Variants in CACNA2D3 observed in about 807,000 individuals in gnomAD.
The protein encoded by CACNA2D3 is voltage-dependent calcium channel subunit alpha-2/delta-3.
A neutral mutation model predicts 160.6 loss-of-function variants in CACNA2D3; 60 were observed. The ratio of observed to expected loss-of-function variants is 0.37; its 90% confidence interval spans 0.30 to 0.46. The LOEUF is 0.46. CACNA2D3 is among the 20% of genes least tolerant of loss of function. The pLI is 1.00. For missense variants in CACNA2D3, 1,205 were observed against 1,365.0 expected, an observed-to-expected ratio of 0.88 and a Z score of 1.85; for synonymous variants, 558 against 492.9, an observed-to-expected ratio of 1.13 and a Z score of -1.75.
intron 5 of CACNA2D3, among the ~76,000 whole-genome samples, chr3:54,520,797 C>T (rs895275844): frequency 1.3e-5 from 2 of 152,124 alleles, no homozygotes; most frequent in Admixed American, 6.5e-5. Context: ...CCCTAAGCAA[C>T]GAATGATCTT....
chr3:55,045,259 AG>A (rs1704050052), intron 35 of CACNA2D3, among the ~76,000 whole-genome samples: 1 of 152,170 alleles, frequency 6.6e-6, no homozygotes. Flanking sequence ...CATGCTGGCT[AG>A]GCTGGTCTTG....
At position 54,793,953 on chromosome 3, in the gene CACNA2D3, A is replaced by T. The variant is rs1166318488; in HGVS notation, c.1381-22900A>T. ...TTATTTCTTAATATCAATTTTTCTC[A>T]TTTGTGTTACAAGGAGTTTGTTCAT... On this transcript the variant is annotated intron_variant, in intron 13 of 37. Coordinates refer to ENST00000474759, the MANE Select transcript of CACNA2D3 (RefSeq NM_018398.3). Among the ~76,000 whole-genome samples, 4 of 152,070 alleles carry T rather than the reference A, an allele frequency of 2.6e-5. No homozygotes were observed. The East Asian group carries it at 7.7e-4, about 29-fold the overall frequency.
chr3:55,043,663 A>G (rs986453057), intron 35 of CACNA2D3, among the ~76,000 whole-genome samples: 1 of 152,116 alleles, frequency 6.6e-6, no homozygotes, highest in African/African-American at 2.4e-5. Flanking sequence ...CCATTGATTG[A>G]CTTTTTAATG....
In CACNA2D3 at chr3:55,004,789, T is replaced by C. The variant is rs1429890819; in HGVS notation, c.2717T>C (p.Met906Thr). The C allele has an allele frequency of 8.7e-6, 14 of 1,613,692 alleles. No individual in the cohort carries two copies. The highest frequency in any genetic ancestry group is 1.2e-5 in the Non-Finnish European group (14 of 1,179,628). Reference sequence around the variant, plus strand: ...ATTACCCTTTATGACTACCAAGCCATGTGTAGAGCCAACAAGGAAAGCAGC... The same window carrying C: ...ATTACCCTTTATGACTACCAAGCCACGTGTAGAGCCAACAAGGAAAGCAGC... ...KRITLYDYQA[M>T]CRANKESSDG... Residue 906 changes from methionine to threonine, a missense_variant, in exon 32 of 38, where the codon ATG (methionine) becomes ACG (threonine). Met to Thr is a moderately conservative substitution (Grantham distance 81). Around this residue, in one of 3 missense-constraint regions of CACNA2D3, gnomAD observed 911 missense variants for 1,002.2 expected, o/e 0.91. Coordinates refer to ENST00000474759, the MANE Select transcript of CACNA2D3 (RefSeq NM_018398.3).
Position 54,361,202 on chromosome 3 carries a change from A to G in CACNA2D3, c.322-25513A>G, listed in dbSNP as rs1698736791. 2.6e-5 allele frequency among the ~76,000 whole-genome samples: 4 copies of G among 151,452 alleles called. No homozygotes were observed. The Admixed American group carries it at 2.6e-4, about 10-fold the overall frequency. On this transcript the variant is annotated intron_variant, in intron 3 of 37. Coordinates refer to ENST00000474759, the MANE Select transcript of CACNA2D3 (RefSeq NM_018398.3). ...TTAAGTACCAAGCAAAGAATTCCAC[A>G]GCATACCAGATAGGTGGTCATAAAT... is the stretch of plus-strand genomic sequence containing the variant.
At chr3:54,553,476 A>G (rs1372908698) in intron 5 of CACNA2D3, among the ~76,000 whole-genome samples, 5 of 152,228 alleles carry the variant, frequency 3.3e-5, no homozygotes, top group Non-Finnish European at 7.3e-5. Context: ...GAAGACATTT[A>G]GGAAAGACAG....
chr3:54,449,506 T>C lies in CACNA2D3; in HGVS notation c.382-53986T>C, dbSNP rs138385565. On this transcript the variant is annotated intron_variant, in intron 4 of 37. Transcript: ENST00000474759. Reference sequence around the variant, plus strand: ...GCCAATTTTAAGTCATTCTGTGATATGGTTTGGATCTGTGTTCCCACCCAA... The same window carrying C: ...GCCAATTTTAAGTCATTCTGTGATACGGTTTGGATCTGTGTTCCCACCCAA... Among the ~76,000 whole-genome samples the C allele has an allele frequency of 5.7e-3, 866 of 152,348 alleles. 7 individuals carry two copies. The highest frequency in any genetic ancestry group is 0.019 in the African/African-American group (805 of 41,588).
intron 35 of CACNA2D3, among the ~76,000 whole-genome samples, chr3:55,050,244 G>A (rs973894772): frequency 6.6e-6 from 1 of 150,686 alleles, no homozygotes; most frequent in Admixed American, 6.6e-5. Context: ...GCTGGTACCG[G>A]TTGTTCCTTT....
At chr3:54,838,453 A>G (rs1042280126) in intron 15 of CACNA2D3, 115 bp from the exon 16 acceptor site, 5 of 809,788 alleles carry the variant, frequency 6.2e-6, no homozygotes, top group African/African-American at 3.3e-5. Flanking sequence ...TTAATCCTCA[A>G]TCTGTATCAG....
At chr3:54,986,692 A>C (rs1702621562) in intron 30 of CACNA2D3, among the ~76,000 whole-genome samples, 1 of 152,180 alleles carries the variant, frequency 6.6e-6, no homozygotes, top group Non-Finnish European at 1.5e-5. Context: ...AAGCCTACGG[A>C]ATATACATAA....
chr3:55,028,966 C>T (rs1221051013), intron 35 of CACNA2D3, among the ~76,000 whole-genome samples: 1 of 152,164 alleles, frequency 6.6e-6, no homozygotes, highest in African/African-American at 2.4e-5. Flanking sequence ...TAATTGGTCT[C>T]GAAGCTGTGT....
intron 29 of CACNA2D3, among the ~76,000 whole-genome samples, chr3:54,979,117 A>G (rs1279191175): frequency 6.6e-6 from 1 of 152,204 alleles, no homozygotes; most frequent in Non-Finnish European, 1.5e-5. Context: ...TGTACCCCAG[A>G]TATCTATGAG....
chr3:54,388,297 A>C (rs731508), intron 4 of CACNA2D3, among the ~76,000 whole-genome samples: 52,127 of 152,038 alleles, frequency 0.34, 9,268 homozygotes, highest in African/African-American at 0.42. Context: ...AATGATACCC[A>C]AGTACTCTCT....
intron 9 of CACNA2D3, among the ~76,000 whole-genome samples, chr3:54,589,471 T>C (rs1607753): frequency 0.55 from 84,015 of 151,588 alleles, 24,307 homozygotes; most frequent in African/African-American, 0.71. Context: ...CTTCAAGATG[T>C]AGGGCTAGGC....
chr3:54,767,183 G>A (rs989349059), intron 13 of CACNA2D3, among the ~76,000 whole-genome samples: 5 of 151,848 alleles, frequency 3.3e-5, no homozygotes, highest in Middle Eastern at 6.3e-3. Context: ...AACAAGATTG[G>A]GGGGAAATTA....
chr3:55,069,258 C>T (rs1704743415), intron 35 of CACNA2D3, among the ~76,000 whole-genome samples: 1 of 152,120 alleles, frequency 6.6e-6, no homozygotes, highest in Admixed American at 6.5e-5. Context: ...TGAAAGAATC[C>T]TAGAATCATG....
chr3:54,685,045 TGCGTCTTGG>T (rs1700424539), intron 11 of CACNA2D3, among the ~76,000 whole-genome samples: 1 of 152,164 alleles, frequency 6.6e-6, no homozygotes, highest in Non-Finnish European at 1.5e-5. Flanking sequence ...CTCCTGCATG[TGCGTCTTGG>T]CAGCTGAGAC....
intron 4 of CACNA2D3, among the ~76,000 whole-genome samples, chr3:54,469,112 A>T (rs1374591220): frequency 6.6e-6 from 1 of 152,150 alleles, no homozygotes; most frequent in African/African-American, 2.4e-5. Context: ...GGGTCCCTGA[A>T]CCCTATTCCC....
At chr3:54,869,885 T>G (rs1417500072) in intron 17 of CACNA2D3, among the ~76,000 whole-genome samples, 1 of 152,218 alleles carries the variant, frequency 6.6e-6, no homozygotes, top group Non-Finnish European at 1.5e-5. Flanking sequence ...TGCTATTGTT[T>G]ACAGTGGCTT....
Sources: gnomAD v4.1 joint callset for allele counts (sites outside exome capture counted in the v4.1 genomes callset) on GRCh38, gnomAD v4.1.1 for gene constraint, gnomAD v4.1.1 regional missense constraint, MANE v1.5 for transcripts, NCBI Gene and HGNC (gene_info 2026-07-23, HGNC 2026-07-21) for gene names.